Variants in XRCC4 observed in about 807,000 individuals in gnomAD.
XRCC4 encodes the protein X-ray repair cross complementing 4, also known as DNA repair protein XRCC4.
Under a neutral mutation model 39.1 loss-of-function variants are expected in XRCC4, and 28 were observed. The observed-to-expected ratio is 0.72, with a 90% CI of 0.53 to 0.98. The LOEUF is 0.98. Among genes scored for constraint, XRCC4 ranks in the 50% least tolerant of loss-of-function variants. XRCC4 has a pLI of 0.00. For synonymous variants in XRCC4, 123 were observed against 126.4 expected (o/e 0.97, Z 0.18); for missense variants, 350 against 376.4 (o/e 0.93, Z 0.58).
intron 7 of XRCC4, among the ~76,000 whole-genome samples, chr5:83,309,043 G>A (rs925951352): frequency 2.0e-5 from 3 of 151,410 alleles, no homozygotes. Context: ...ACTTTGGGAG[G>A]CTGAGGTGGG....
chr5:83,119,566 T>C (rs1210890133), intron 3 of XRCC4, among the ~76,000 whole-genome samples: 2 of 149,530 alleles, frequency 1.3e-5, no homozygotes, highest in African/African-American at 4.9e-5. Context: ...ATTTTCTTTC[T>C]TGCTTCATAT....
chr5:83,270,778 TATATATATGTATATATTTTTTTTTTGAG>T (rs1754116038), intron 7 of XRCC4, among the ~76,000 whole-genome samples: 1 of 81,660 alleles, frequency 1.2e-5, no homozygotes, highest in South Asian at 4.6e-4. Flanking sequence ...AATATATACA[TATATATATGTATATATTTTTTTTTTGAG>T]ACAGAGTCTC....
At chr5:83,332,585 G>T (rs1756472620) in intron 7 of XRCC4, among the ~76,000 whole-genome samples, 1 of 152,138 alleles carries the variant, frequency 6.6e-6, no homozygotes, top group Non-Finnish European at 1.5e-5. Flanking sequence ...AACACCTTTT[G>T]CACTATAAGA....
intron 7 of XRCC4, among the ~76,000 whole-genome samples, chr5:83,352,353 G>C (rs1357762845): frequency 6.6e-6 from 1 of 152,112 alleles, no homozygotes. Context: ...GTTCCATAGA[G>C]AACCACTGAC....
chr5:83,279,014 A>G (rs994869935), intron 7 of XRCC4, among the ~76,000 whole-genome samples: 1 of 146,570 alleles, frequency 6.8e-6, no homozygotes, highest in African/African-American at 2.5e-5. Flanking sequence ...CAAAAAAAAA[A>G]AAAAAAAGAT....
chr5:83,209,273 A>C (rs1205714654), intron 6 of XRCC4, among the ~76,000 whole-genome samples: 2 of 152,134 alleles, frequency 1.3e-5, no homozygotes, highest in African/African-American at 4.8e-5. Context: ...ACAGAACCTC[A>C]ACAAAATATG....
rs564005937 is a variant in XRCC4, at chr5:83,347,024, T to C, written c.894-6107T>C. Among the ~76,000 whole-genome samples the C allele has an allele frequency of 2.6e-5, 4 of 152,298 alleles. No individual in the cohort carries two copies. In the South Asian group the frequency reaches 6.2e-4, roughly 24 times the overall value. ...AAAATATGATAAATATGCTAAGATA[T>C]ATGTATAAGGATACTAATTGTCTAG... On this transcript the variant is annotated intron_variant, in intron 7 of 7. Transcript: ENST00000396027.
chr5:83,318,435 T>C (rs1341152001), intron 7 of XRCC4, among the ~76,000 whole-genome samples: 1 of 107,056 alleles, frequency 9.3e-6, no homozygotes, highest in Admixed American at 9.9e-5. Flanking sequence ...GCAGACGACA[T>C]GATTGTTTAT....
At chr5:83,314,454 T>C (rs1755811800) in intron 7 of XRCC4, among the ~76,000 whole-genome samples, 1 of 152,206 alleles carries the variant, frequency 6.6e-6, no homozygotes, top group African/African-American at 2.4e-5. Context: ...ATATACATGA[T>C]AACAGCTTTC....
intron 6 of XRCC4, among the ~76,000 whole-genome samples, chr5:83,227,966 C>T (rs1259074918): frequency 6.6e-6 from 1 of 151,948 alleles, no homozygotes; most frequent in Non-Finnish European, 1.5e-5. Context: ...AAGGTGTCCT[C>T]TCTGAGAATG....
At chr5:83,146,390 T>G (rs1398091910) in intron 3 of XRCC4, among the ~76,000 whole-genome samples, 1 of 152,214 alleles carries the variant, frequency 6.6e-6, no homozygotes, top group Non-Finnish European at 1.5e-5. Context: ...ATGGACAGTT[T>G]GTATGATCTC....
At chr5:83,255,100 A>G (rs1054057513) in intron 6 of XRCC4, among the ~76,000 whole-genome samples, 1 of 151,916 alleles carries the variant, frequency 6.6e-6, no homozygotes, top group African/African-American at 2.4e-5. Flanking sequence ...AAAAGAAAAA[A>G]AAAAAGAAAA....
At chr5:83,244,716 A>G (rs1294699742) in intron 6 of XRCC4, among the ~76,000 whole-genome samples, 1 of 152,128 alleles carries the variant, frequency 6.6e-6, no homozygotes, top group Non-Finnish European at 1.5e-5. Context: ...GGCTCCACCT[A>G]CATCCCTGTG....
intron 7 of XRCC4, among the ~76,000 whole-genome samples, chr5:83,342,207 G>A (rs1327935858): frequency 4.6e-5 from 7 of 152,152 alleles, no homozygotes; most frequent in African/African-American, 1.4e-4. Context: ...ATAAAGTACA[G>A]CTAGAGTAAC....
intron 1 of XRCC4, among the ~76,000 whole-genome samples, chr5:83,087,885 A>T (rs149042689): frequency 0.012 from 1,832 of 152,218 alleles, 33 homozygotes; most frequent in African/African-American, 0.041. Flanking sequence ...TGTATTTCTG[A>T]TGTTTCACTG....
intron 3 of XRCC4, among the ~76,000 whole-genome samples, chr5:83,146,984 A>G (rs1360973725): frequency 6.6e-6 from 1 of 152,238 alleles, no homozygotes; most frequent in Non-Finnish European, 1.5e-5. Flanking sequence ...GCAGTTAATC[A>G]TACTGAATCT....
intron 7 of XRCC4, among the ~76,000 whole-genome samples, chr5:83,279,039 ATATAT>A (rs1027578381): frequency 3.4e-5 from 5 of 146,010 alleles, no homozygotes; most frequent in Non-Finnish European, 6.0e-5. Flanking sequence ...ATATTTTATA[ATATAT>A]TATATATTTT....
At chr5:83,281,697 A>G (rs1754546145) in intron 7 of XRCC4, among the ~76,000 whole-genome samples, 2 of 152,092 alleles carry the variant, frequency 1.3e-5, no homozygotes, top group African/African-American at 4.8e-5. Flanking sequence ...CTTGTGGGCA[A>G]TTTGCATTCA....
At chr5:83,343,988 T>C (rs1332633143) in intron 7 of XRCC4, among the ~76,000 whole-genome samples, 1 of 152,110 alleles carries the variant, frequency 6.6e-6, no homozygotes, top group African/African-American at 2.4e-5. Flanking sequence ...ATCTTCACAA[T>C]AGCCAAAGCT....
Sources: allele counts gnomAD v4.1 joint callset (sites outside exome capture counted in the v4.1 genomes callset), GRCh38; gene constraint gnomAD v4.1.1; transcripts MANE v1.5; gene names NCBI Gene and HGNC (gene_info 2026-07-23, HGNC 2026-07-21).